The following CCDC180 variants were observed in gnomAD, a reference collection of about 807,000 sequenced individuals.
CCDC180 encodes coiled-coil domain-containing protein 180.
In CCDC180, 154 loss-of-function variants were observed where a neutral mutation model predicts 209.2. The observed-to-expected ratio is 0.74, with a 90% confidence interval of 0.65 to 0.84. The LOEUF (loss-of-function observed/expected upper bound fraction) is 0.84. CCDC180 is among the 40% of genes least tolerant of loss of function. CCDC180 has a pLI of 0.00. For missense variants in CCDC180, 1,874 were observed against 1,997.3 expected (o/e 0.94, Z 1.18); for synonymous variants, 778 against 749.1 (o/e 1.04, Z -0.63).
chr9:97,326,608 A>G lies in CCDC180; in HGVS notation c.1600A>G (p.Lys534Glu). ...GGACCAACTGAGGCAGCAAAGTGACAAAGAAACACTGGCGTTTCACCTGGA... is the reference window on the plus strand; with the variant it reads ...GGACCAACTGAGGCAGCAAAGTGACGAAGAAACACTGGCGTTTCACCTGGA... ...LLDQLRQQSD[K>E]ETLAFHLEKV... The change falls in exon 15 of 37, where the codon AAA (lysine) becomes GAA (glutamate). Residue 534 changes from lysine (K) to glutamate (E), a missense_variant. Transcript: ENST00000529487. 6.2e-7 allele frequency: 1 copy of G among 1,613,978 alleles called. No homozygotes were observed. The highest frequency in any genetic ancestry group is 8.5e-7 in the Non-Finnish European group (1 of 1,179,958).
intron 12 of CCDC180, 148 bp from the exon 13 acceptor site, chr9:97,323,633 C>T (rs1833429285): frequency 9.9e-7 from 1 of 1,008,776 alleles, no homozygotes; most frequent in Non-Finnish European, 1.4e-6. Flanking sequence ...GCCCTCCAGA[C>T]CCTAAGGGGA....
At chr9:97,361,641 T>A (rs931823230) in intron 26 of CCDC180, 85 bp from the exon 27 acceptor site, 1 of 1,401,774 alleles carries the variant, frequency 7.1e-7, no homozygotes, top group Middle Eastern at 1.8e-4. Flanking sequence ...TGAGGCAGGG[T>A]GGGAGGGAAC....
rs777265312 is a variant in CCDC180, at chr9:97,308,145, C to T, written c.69+13C>T. ...CTTCCAGGCTGAGGTAGGAGCCGCCCTCTGTCCCGCTTTTCTCCATCCCCC... is the reference window on the plus strand; with the variant it reads ...CTTCCAGGCTGAGGTAGGAGCCGCCTTCTGTCCCGCTTTTCTCCATCCCCC... On this transcript the variant is annotated intron_variant, in intron 2 of 36. Transcript: ENST00000529487. The T allele has an allele frequency of 1.1e-5, 17 of 1,570,274 alleles. No homozygotes were observed. The highest frequency in any genetic ancestry group is 1.4e-5 in the Non-Finnish European group (16 of 1,159,354).
chr9:97,311,796 G>A (rs1012927177), intron 3 of CCDC180, among the ~76,000 whole-genome samples: 3 of 152,144 alleles, frequency 2.0e-5, no homozygotes, highest in Non-Finnish European at 4.4e-5. Context: ...TACCCCTTCT[G>A]ATCCTCAGTT....
intron 18 of CCDC180, among the ~76,000 whole-genome samples, chr9:97,334,090 A>C (rs1825831452): frequency 6.6e-6 from 1 of 152,096 alleles, no homozygotes; most frequent in South Asian, 2.1e-4. Context: ...GTATTTTTGC[A>C]TACATGTTCT....
At chr9:97,356,736 G>T (rs1826596165) in intron 24 of CCDC180, among the ~76,000 whole-genome samples, 1 of 152,242 alleles carries the variant, frequency 6.6e-6, no homozygotes, top group South Asian at 2.1e-4. Context: ...GTGTACAGGG[G>T]TTGCATTTCA....
chr9:97,376,492 T>C (rs1827262990), intron 36 of CCDC180: 2 of 337,836 alleles, frequency 5.9e-6, no homozygotes, highest in African/African-American at 2.1e-5. Context: ...GTGCTGAGCC[T>C]AGAGTCAGAT....
At chr9:97,307,881 T>C in intron 1 of CCDC180, 75 bp downstream of exon 1, 1 of 1,600,532 alleles carries the variant, frequency 6.2e-7, no homozygotes, top group Admixed American at 1.7e-5. Context: ...CAGCAGAGAG[T>C]CCTTCCCCGG....
chr9:97,358,327 G>A (rs781455853), intron 25 of CCDC180, among the ~76,000 whole-genome samples: 6 of 152,006 alleles, frequency 3.9e-5, no homozygotes, highest in Non-Finnish European at 2.9e-5. Flanking sequence ...CACCATGTTA[G>A]CCAGGCTGGT....
Position 97,308,047 on chromosome 9 carries a change from T to C in CCDC180, c.-17T>C. On this transcript the variant is annotated 5_prime_UTR_variant, in exon 2 of 37. Transcript: ENST00000529487. ...GGACGACGGCTTCCCGGCAGGGGCA[T>C]CCAGCCAGCGGCCAAGATGTCGTCA... 1 of 1,613,436 alleles carries C rather than the reference T, an allele frequency of 6.2e-7. No individual in the cohort carries two copies. The highest frequency in any genetic ancestry group is 8.5e-7 in the Non-Finnish European group (1 of 1,179,732).
At chr9:97,321,025 A>G (rs1437234041) in intron 11 of CCDC180, among the ~76,000 whole-genome samples, 2 of 152,156 alleles carry the variant, frequency 1.3e-5, no homozygotes, top group African/African-American at 4.8e-5. Context: ...ACTCCCTGGC[A>G]ATGCTGGGCA....
chr9:97,338,896 C>T (rs2118745890), intron 18 of CCDC180, among the ~76,000 whole-genome samples: 1 of 152,242 alleles, frequency 6.6e-6, no homozygotes, highest in East Asian at 1.9e-4. Context: ...TGAATTGATC[C>T]CTTTACCATT....
At chr9:97,365,797 G>A in intron 30 of CCDC180, 58 bp downstream of exon 30, 1 of 1,502,084 alleles carries the variant, frequency 6.7e-7, no homozygotes, top group Non-Finnish European at 9.3e-7. Flanking sequence ...GCCTTCTGCA[G>A]TCTGCTGATC....
intron 18 of CCDC180, among the ~76,000 whole-genome samples, chr9:97,338,323 G>C (rs1343560773): frequency 2.6e-5 from 4 of 152,018 alleles, no homozygotes; most frequent in African/African-American, 9.7e-5. Flanking sequence ...CCCTCTACAC[G>C]CTGCTTTAAA....
chr9:97,362,316 C>T lies in CCDC180; in HGVS notation c.3777C>T (p.Cys1259=), dbSNP rs1430670715. Residue 1259 remains cysteine, a synonymous_variant, in exon 28 of 37, where the codon TGC becomes TGT. Transcript: ENST00000529487. ...SSEAGAGGAV[C]SPPVLCSCPG... is the part of the protein sequence containing the mutation. ...AGGCAGGGGCTGGTGGTGCTGTGTG[C>T]TCACCTCCTGTCCTCTGCTCCTGTC... 1.2e-6 allele frequency: 2 copies of T among 1,614,166 alleles called. No individual in the cohort carries two copies. The highest frequency in any genetic ancestry group is 1.7e-6 in the Non-Finnish European group (2 of 1,180,036).
intron 22 of CCDC180, among the ~76,000 whole-genome samples, chr9:97,351,619 A>G (rs1187067333): frequency 6.6e-6 from 1 of 152,226 alleles, no homozygotes; most frequent in Non-Finnish European, 1.5e-5. Context: ...TATAAAGTAC[A>G]AAGTGGAAGC....
At position 97,357,668 on chromosome 9, in the gene CCDC180, T is replaced by G; in HGVS notation, c.3306T>G (p.Ser1102=). 1 of 1,613,578 alleles carries G rather than the reference T, an allele frequency of 6.2e-7. No individual in the cohort carries two copies. The highest frequency in any genetic ancestry group is 8.5e-7 in the Non-Finnish European group (1 of 1,179,886). ...CGCAAACAAATGGATTAAATTTCTC[T>G]CTGCAACAGCTTCAGAACAAGATAA... The part of the protein sequence containing the change: ...SNSQTNGLNF[S]LQQLQNKIKT... The change falls in exon 25 of 37, where the codon TCT becomes TCG. Residue 1102 remains serine (S), a synonymous_variant. Transcript: ENST00000529487.
intron 30 of CCDC180, 111 bp downstream of exon 30, chr9:97,365,850 C>T (rs576098046): frequency 2.2e-5 from 20 of 897,662 alleles, no homozygotes; most frequent in East Asian, 1.3e-4. Flanking sequence ...ATTCCACCCC[C>T]GCCATGACCA....
chr9:97,344,660 A>G (rs576750919), intron 19 of CCDC180, among the ~76,000 whole-genome samples: 1 of 152,338 alleles, frequency 6.6e-6, no homozygotes, highest in East Asian at 1.9e-4. Context: ...CAGACCCTGT[A>G]ACTCCAGAAT....
Sources: gnomAD v4.1 joint callset for allele counts (sites outside exome capture counted in the v4.1 genomes callset) on GRCh38, gnomAD v4.1.1 for gene constraint, MANE v1.5 for transcripts, NCBI Gene and HGNC (gene_info 2026-07-23, HGNC 2026-07-21) for gene names.